Variants in ZRANB3 observed in about 807,000 individuals in gnomAD.
ZRANB3 encodes the protein DNA annealing helicase and endonuclease ZRANB3.
In ZRANB3, 125 loss-of-function variants were observed where a neutral mutation model predicts 133.8. That is an observed-to-expected ratio of 0.93 (90% CI 0.81 to 1.08). ZRANB3 has a LOEUF of 1.08. Ranked by LOEUF, ZRANB3 falls within the 50% of genes least tolerant of loss-of-function variation. The pLI is 0.00. For synonymous variants in ZRANB3, 387 were observed against 432.7 expected (o/e 0.89, Z 1.31); for missense variants, 1,229 against 1,275.5 (o/e 0.96, Z 0.56).
intron 8 of ZRANB3, among the ~76,000 whole-genome samples, chr2:135,296,498 T>C (rs1682111794): frequency 6.6e-6 from 1 of 151,932 alleles, no homozygotes; most frequent in Non-Finnish European, 1.5e-5. Context: ...TTTTTCAAGG[T>C]TTTTAACTTC....
At chr2:135,505,950 G>T (rs1693164411) in intron 1 of ZRANB3, among the ~76,000 whole-genome samples, 1 of 152,202 alleles carries the variant, frequency 6.6e-6, no homozygotes, top group Non-Finnish European at 1.5e-5. Flanking sequence ...AGAGTGGCCT[G>T]TCTTAGGAAG....
chr2:135,366,082 G>A (rs1685925831), intron 3 of ZRANB3, among the ~76,000 whole-genome samples: 1 of 152,102 alleles, frequency 6.6e-6, no homozygotes, highest in African/African-American at 2.4e-5. Flanking sequence ...GGATGCTTTC[G>A]GTTGAACAAG....
At position 135,285,134 on chromosome 2, in the gene ZRANB3, C is replaced by T. The variant is rs901929588; in HGVS notation, c.967-9379G>A. Among the ~76,000 whole-genome samples the T allele has an allele frequency of 5.9e-5, 9 of 152,268 alleles. No homozygotes were observed. The East Asian group carries it at 1.4e-3, about 23-fold the overall frequency. ...TGCTGGGATTACAGGCATGAGCCAC[C>T]GCGCCTGGCAAAGAGGTTATTTCTT... On this transcript the variant is annotated intron_variant, in intron 8 of 20. Transcript: ENST00000264159.
At chr2:135,272,109 G>C (rs1038664885) in intron 9 of ZRANB3, among the ~76,000 whole-genome samples, 3 of 152,188 alleles carry the variant, frequency 2.0e-5, no homozygotes, top group African/African-American at 7.2e-5. Context: ...TGAGGGTAGA[G>C]TCTATGTCTA....
intron 11 of ZRANB3, 130 bp from the exon 12 acceptor site, chr2:135,265,816 G>C (rs895175280): frequency 1.0e-6 from 1 of 958,222 alleles, no homozygotes; most frequent in Non-Finnish European, 1.5e-6. Context: ...ACATATCATG[G>C]GCTTTAGTAA....
intron 2 of ZRANB3, among the ~76,000 whole-genome samples, chr2:135,446,453 T>G (rs915194070): frequency 1.3e-5 from 2 of 151,926 alleles, no homozygotes. Flanking sequence ...AAGAAAGAAA[T>G]AGTTGTCATG....
At chr2:135,516,668 C>T (rs1693712253) in intron 1 of ZRANB3, among the ~76,000 whole-genome samples, 1 of 152,068 alleles carries the variant, frequency 6.6e-6, no homozygotes, top group South Asian at 2.1e-4. Context: ...CTTCGTTACC[C>T]AGGTAACCCA....
At chr2:135,326,744 C>CA (rs1315041145) in intron 6 of ZRANB3, among the ~76,000 whole-genome samples, 1 of 151,414 alleles carries the variant, frequency 6.6e-6, no homozygotes, top group African/African-American at 2.4e-5. Flanking sequence ...TAATAAAATA[C>CA]AAAAAATTAG....
intron 6 of ZRANB3, among the ~76,000 whole-genome samples, chr2:135,325,830 A>G (rs2104839920): frequency 6.6e-6 from 1 of 152,360 alleles, no homozygotes; most frequent in Admixed American, 6.5e-5. Flanking sequence ...ATCTCCTAAC[A>G]GAAGAAAACA....
chr2:135,491,921 G>GA (rs1016956530), intron 2 of ZRANB3, among the ~76,000 whole-genome samples: 2 of 152,038 alleles, frequency 1.3e-5, no homozygotes, highest in Admixed American at 6.6e-5. Flanking sequence ...CAGAGAGGGA[G>GA]AAAAAGGCAA....
intron 2 of ZRANB3, among the ~76,000 whole-genome samples, chr2:135,479,151 G>A (rs1038261589): frequency 7.3e-5 from 11 of 151,324 alleles, no homozygotes; most frequent in Non-Finnish European, 1.6e-4. Context: ...TATGTATGTA[G>A]TGGCATTCCA....
intron 12 of ZRANB3, among the ~76,000 whole-genome samples, chr2:135,243,621 CT>C (rs57788474): frequency 6.6e-6 from 1 of 151,538 alleles, no homozygotes. Flanking sequence ...CTTAAAAAAA[CT>C]TTTTTTTTCT....
rs549545354 is a variant in ZRANB3, at chr2:135,309,575, TAATTC to T, written c.966+3909_966+3913del. Among the ~76,000 whole-genome samples the T allele has an allele frequency of 4.4e-4, 67 of 152,248 alleles. 1 individual carries two copies. The East Asian group carries it at 0.011, about 26-fold the overall frequency. On this transcript the variant is annotated intron_variant, in intron 8 of 20. Coordinates refer to ENST00000264159, the MANE Select transcript of ZRANB3 (RefSeq NM_032143.4). ...AAGGTTAATATAAGAAAATCGATAA[TAATTC>T]TATACTTAGCAAGGGAAACCTGGAA... is the stretch of plus-strand genomic sequence containing the variant.
At position 135,353,659 on chromosome 2, in the gene ZRANB3, T is replaced by C. The variant is rs1308111780; in HGVS notation, c.181-31A>G. On this transcript the variant is annotated intron_variant, in intron 3 of 20. Transcript: ENST00000264159. ...TTAAAAAATAAATAAATGTTAATAA[T>C]AGAGCCTAAAATATTTTAAAAGAAA... The C allele has an allele frequency of 8.3e-6, 11 of 1,328,914 alleles. No homozygotes were observed. In the African/African-American group the frequency reaches 1.2e-4, roughly 15 times the overall value. The allele number at this position is 1,328,914 out of a possible 1,614,324, so 82.3% of individuals were successfully genotyped here.
chr2:135,402,999 C>T (rs1310987714), intron 2 of ZRANB3, among the ~76,000 whole-genome samples: 2 of 152,198 alleles, frequency 1.3e-5, no homozygotes, highest in East Asian at 3.9e-4. Flanking sequence ...AAATAGGAAC[C>T]GCTCCAATCT....
chr2:135,425,415 T>C (rs1322146014), intron 2 of ZRANB3, among the ~76,000 whole-genome samples: 2 of 152,036 alleles, frequency 1.3e-5, no homozygotes, highest in Non-Finnish European at 2.9e-5. Context: ...TAATTAATAA[T>C]AAAAAACATA....
At chr2:135,217,815 C>CT (rs1277997489) in intron 16 of ZRANB3, among the ~76,000 whole-genome samples, 3 of 151,944 alleles carry the variant, frequency 2.0e-5, no homozygotes, top group African/African-American at 4.8e-5. Context: ...AGAGATATCT[C>CT]TTTTTTTTCT....
At chr2:135,512,059 G>T (rs550498354) in intron 1 of ZRANB3, 5 of 504,380 alleles carry the variant, frequency 9.9e-6, no homozygotes, top group Non-Finnish European at 1.8e-5. Context: ...AACCCCTCAT[G>T]CAACTGTGTC....
chr2:135,307,647 T>C (rs1334841825), intron 8 of ZRANB3, among the ~76,000 whole-genome samples: 1 of 152,158 alleles, frequency 6.6e-6, no homozygotes, highest in Admixed American at 6.5e-5. Context: ...TAAATGTCTT[T>C]TTTGTTATTT....
Sources: gnomAD v4.1 joint callset for allele counts (sites outside exome capture counted in the v4.1 genomes callset) on GRCh38, gnomAD v4.1.1 for gene constraint, MANE v1.5 for transcripts, NCBI Gene and HGNC (gene_info 2026-07-23, HGNC 2026-07-21) for gene names.